Variants in ASB7 observed in about 807,000 individuals in gnomAD.
ASB7 encodes ankyrin repeat and SOCS box protein 7.
In ASB7, 4 loss-of-function variants were observed where a neutral mutation model predicts 32.5. The ratio of observed to expected loss-of-function variants is 0.12; its 90% CI spans 0.06 to 0.28. The LOEUF is 0.28. ASB7 is among the 10% of genes least tolerant of loss of function. ASB7 has a pLI of 1.00. For synonymous variants in ASB7, 172 were observed against 155.6 expected (o/e 1.11, Z -0.78); for missense variants, 181 against 407.1 (o/e 0.44, Z 4.78).
intron 4 of ASB7, among the ~76,000 whole-genome samples, chr15:100,622,999 C>A (rs1172270521): frequency 2.6e-5 from 4 of 152,150 alleles, no homozygotes; most frequent in African/African-American, 9.7e-5. Context: ...GAAGAGACAG[C>A]CTGTTGAATG....
At chr15:100,605,515 A>G (rs1305681966) in intron 2 of ASB7, among the ~76,000 whole-genome samples, 3 of 152,244 alleles carry the variant, frequency 2.0e-5, no homozygotes, top group Admixed American at 6.5e-5. Flanking sequence ...AGTTAATACT[A>G]TGACACATAC....
In ASB7 at chr15:100,618,652, C is replaced by T. The variant is rs77728449; in HGVS notation, c.211+6225C>T. On this transcript the variant is annotated intron_variant, in intron 4 of 5. Transcript: ENST00000332783. ...GTGTGTGTGTGTGTGTGTGGAGAGA[C>T]AGAGAGGAAGAAAGAACAAGAATTC... is the stretch of plus-strand genomic sequence containing the variant. Among the ~76,000 whole-genome samples the T allele has an allele frequency of 4.3e-3, 630 of 147,988 alleles. 2 individuals carry two copies. The highest frequency in any genetic ancestry group is 0.014 in the African/African-American group (566 of 40,436).
Position 100,629,847 on chromosome 15 carries a change from T to C in ASB7, c.622T>C (p.Leu208=), listed in dbSNP as rs1466599899. 3 of 1,614,048 alleles carry C rather than the reference T, an allele frequency of 1.9e-6. No individual in the cohort carries two copies. Among genetic ancestry groups the C allele is most frequent in the Non-Finnish European group, 1.7e-6 (2 of 1,180,026 alleles). Residue 208 remains leucine, a synonymous_variant, in exon 5 of 6, where the codon TTG becomes CTG. Transcript: ENST00000332783. This position sits in a 1 kb window ranked among gnomAD's most constrained non-coding sequence, Gnocchi z 6.8. The part of the protein sequence containing the change: ...MFLQRGADTN[L]GRLEDGQTPL... ...CCTTCAGAGAGGGGCAGACACAAAC[T>C]TGGGTCGCTTAGAAGACGGACAGAC...
intron 3 of ASB7, among the ~76,000 whole-genome samples, chr15:100,611,135 C>T (rs1314075794): frequency 6.6e-6 from 1 of 152,150 alleles, no homozygotes; most frequent in Non-Finnish European, 1.5e-5. Context: ...GCCTCAACCT[C>T]CCAAGCTCAA....
At chr15:100,609,300 C>T (rs534250204) in intron 2 of ASB7, among the ~76,000 whole-genome samples, 52 of 152,310 alleles carry the variant, frequency 3.4e-4, no homozygotes, top group African/African-American at 1.1e-3. Context: ...ATATTTCATG[C>T]ACACGTATTC....
At chr15:100,641,037 T>C (rs1441295063) in intron 5 of ASB7, among the ~76,000 whole-genome samples, 1 of 152,246 alleles carries the variant, frequency 6.6e-6, no homozygotes, top group African/African-American at 2.4e-5. Context: ...TTTTGTGAGA[T>C]GTCTTCCAGT....
At chr15:100,637,912 G>A (rs1253724317) in intron 5 of ASB7, among the ~76,000 whole-genome samples, 2 of 150,750 alleles carry the variant, frequency 1.3e-5, no homozygotes, top group African/African-American at 4.9e-5. Context: ...AACTGTAAGA[G>A]GTGCTGTTCT....
chr15:100,648,075 T>A (rs1038009425), intron 5 of ASB7, among the ~76,000 whole-genome samples: 1 of 152,218 alleles, frequency 6.6e-6, no homozygotes, highest in Non-Finnish European at 1.5e-5. Flanking sequence ...AGCAACTTGT[T>A]TACATCTGAT....
At chr15:100,630,369 A>G (rs1227977856) in intron 5 of ASB7, among the ~76,000 whole-genome samples, 1 of 152,218 alleles carries the variant, frequency 6.6e-6, no homozygotes, top group Non-Finnish European at 1.5e-5. Flanking sequence ...CATAAGGATA[A>G]TCTTACCTGG....
At chr15:100,642,252 G>A (rs1320175713) in intron 5 of ASB7, among the ~76,000 whole-genome samples, 1 of 152,122 alleles carries the variant, frequency 6.6e-6, no homozygotes, top group Non-Finnish European at 1.5e-5. Context: ...TTCTGTCAGT[G>A]CTTCCCTTGA....
At chr15:100,612,033 C>G in intron 3 of ASB7, 133 bp from the exon 4 acceptor site, 3 of 600,992 alleles carry the variant, frequency 5.0e-6, no homozygotes, top group Middle Eastern at 4.6e-4. Context: ...ACCACCACAC[C>G]CAGCTAGTAG....
In ASB7 at chr15:100,614,209, G is replaced by A. The variant is rs559046541; in HGVS notation, c.211+1782G>A. Reference sequence around the variant, plus strand: ...GAATCACTTGAACCCAGTGGGTGGAGGTTGCAGTGAGCTGAGATCATGCCA... The same window carrying A: ...GAATCACTTGAACCCAGTGGGTGGAAGTTGCAGTGAGCTGAGATCATGCCA... On this transcript the variant is annotated intron_variant, in intron 4 of 5. Transcript: ENST00000332783. 4.6e-4 allele frequency among the ~76,000 whole-genome samples: 70 copies of A among 151,710 alleles called. 1 individual carries two copies. Among genetic ancestry groups the A allele is most frequent in the Admixed American group, 2.0e-3 (31 of 15,238 alleles).
At chr15:100,628,494 A>T (rs1333128240) in intron 4 of ASB7, among the ~76,000 whole-genome samples, 4 of 152,274 alleles carry the variant, frequency 2.6e-5, no homozygotes, top group African/African-American at 9.6e-5. Context: ...CATCCTGGGT[A>T]GTTAGGTCTG....
rs1304183985 is a variant in ASB7, at chr15:100,629,377, G to A, written c.212-60G>A. On this transcript the variant is annotated intron_variant, in intron 4 of 5. Coordinates refer to ENST00000332783, the MANE Select transcript of ASB7 (RefSeq NM_198243.3). This position sits in a 1 kb window ranked among gnomAD's most constrained non-coding sequence, Gnocchi z 6.8. ...ATTGGCCACAGTTTGCTGTGCCATGGTAATGTTTGTTGTTTTGTCTTGGAG... is the reference window on the plus strand; with the variant it reads ...ATTGGCCACAGTTTGCTGTGCCATGATAATGTTTGTTGTTTTGTCTTGGAG... The A allele has an allele frequency of 7.0e-7, 1 of 1,433,172 alleles. No homozygotes were observed. Among genetic ancestry groups the A allele is most frequent in the East Asian group, 2.3e-5 (1 of 43,628 alleles). 88.8% of individuals were successfully genotyped at this position (1,433,172 alleles called of 1,614,324 possible). A position where few individuals can be genotyped will look rare whatever the true frequency, so the allele number is the denominator to read the frequency against.
chr15:100,633,690 A>C (rs1289205646), intron 5 of ASB7, among the ~76,000 whole-genome samples: 1 of 150,602 alleles, frequency 6.6e-6, no homozygotes, highest in African/African-American at 2.4e-5. Context: ...GAAGGAGGGG[A>C]AGGAAGGAGG....
chr15:100,633,992 G>A (rs2039904239), intron 5 of ASB7, among the ~76,000 whole-genome samples: 1 of 152,336 alleles, frequency 6.6e-6, no homozygotes, highest in South Asian at 2.1e-4. Flanking sequence ...GGGAATGTTT[G>A]CCCCATTCAA....
chr15:100,626,730 C>T (rs2039842059), intron 4 of ASB7, among the ~76,000 whole-genome samples: 1 of 152,058 alleles, frequency 6.6e-6, no homozygotes, highest in East Asian at 1.9e-4. Flanking sequence ...CCCATCTTCT[C>T]ATCAATTGAT....
intron 2 of ASB7, among the ~76,000 whole-genome samples, chr15:100,608,131 G>A (rs1051829970): frequency 7.2e-5 from 11 of 152,312 alleles, no homozygotes; most frequent in South Asian, 2.1e-4. Flanking sequence ...AAATGTAGAT[G>A]TAGCTCGTGA....
intron 5 of ASB7, 65 bp downstream of exon 5, chr15:100,630,107 G>A (rs946867137): frequency 7.6e-6 from 11 of 1,441,414 alleles, no homozygotes; most frequent in South Asian, 1.5e-5. Context: ...GGAGCTTAAT[G>A]TGTTTTTGCA....
Sources: allele counts gnomAD v4.1 joint callset (sites outside exome capture counted in the v4.1 genomes callset), GRCh38; gene constraint gnomAD v4.1.1; non-coding constraint Gnocchi (gnomAD v3.1); transcripts MANE v1.5; gene names NCBI Gene and HGNC (gene_info 2026-07-23, HGNC 2026-07-21).